CYB5R2: variants seen among roughly 807,000 people sequenced by gnomAD.
The protein encoded by CYB5R2 is cytochrome b5 reductase 2, also known as NADH-cytochrome b5 reductase 2.
A neutral mutation model predicts 29.8 loss-of-function variants in CYB5R2; 35 were observed. That is an observed-to-expected ratio of 1.17 (90% confidence interval 0.90 to 1.56). CYB5R2 has a LOEUF of 1.56. CYB5R2 is among the 40% of genes most tolerant of loss of function. The pLI, the probability that CYB5R2 is intolerant of heterozygous loss-of-function variation, is 0.00. For synonymous variants in CYB5R2, 169 were observed against 130.6 expected (o/e 1.29, Z -2.01); for missense variants, 419 against 346.7 (o/e 1.21, Z -1.66).
At chr11:7,674,046 C>T (rs1280373661), upstream of CYB5R2, 5 of 1,183,720 alleles carry the variant, frequency 4.2e-6, no homozygotes, top group East Asian at 3.0e-4. Context: ...TCCTGCGCTG[C>T]CCCTCTGCAT....
In CYB5R2 at chr11:7,665,640, G is replaced by A. The variant is rs1259611998; in HGVS notation, c.659-94C>T. 2.2e-6 allele frequency: 3 copies of A among 1,347,640 alleles called. No homozygotes were observed. The African/African-American group carries it at 4.4e-5, about 20-fold the overall frequency. The allele number at this position is 1,347,640 out of a possible 1,614,324, so 83.5% of individuals were successfully genotyped here. A position where few individuals can be genotyped will look rare whatever the true frequency, so the allele number is the denominator to read the frequency against. On this transcript the variant is annotated intron_variant, in intron 8 of 8. Coordinates refer to ENST00000299498, the MANE Select transcript of CYB5R2 (RefSeq NM_016229.5). ...CACACCCACCCTCAGCCAGGGAGGAGGTGACAAGCTGCTCTACAAAGGCTT... is the reference window on the plus strand; with the variant it reads ...CACACCCACCCTCAGCCAGGGAGGAAGTGACAAGCTGCTCTACAAAGGCTT...
chr11:7,665,914 G>GGTA, intron 8 of CYB5R2: 1 of 1,536,116 alleles, frequency 6.5e-7, no homozygotes, highest in South Asian at 1.2e-5. Context: ...TGCTCAGTAG[G>GGTA]GTAGCGCCCT....
chr11:7,667,829 C>T lies in CYB5R2; in HGVS notation c.473-16G>A, dbSNP rs114106954. ...GGTGTGATGCCTGGAACACAGTGAG[C>T]GAGCAGCCAGCTTTCTCCCTGTCTC... On this transcript the variant is annotated splice_polypyrimidine_tract_variant and intron_variant, in intron 6 of 8. Transcript: ENST00000299498. The T allele has an allele frequency of 7.3e-5, 118 of 1,609,496 alleles. No homozygotes were observed. In the Middle Eastern group the frequency reaches 1.3e-3, roughly 18 times the overall value.
chr11:7,665,307 G>C lies in CYB5R2; in HGVS notation c.*67C>G. The C allele has an allele frequency of 7.7e-7, 1 of 1,303,662 alleles. No individual in the cohort carries two copies. Among genetic ancestry groups the C allele is most frequent in the Non-Finnish European group, 1.0e-6 (1 of 961,970 alleles). The allele number at this position is 1,303,662 out of a possible 1,614,324, so 80.8% of individuals were successfully genotyped here. On this transcript the variant is annotated 3_prime_UTR_variant, in exon 9 of 9. Coordinates refer to ENST00000299498, the MANE Select transcript of CYB5R2 (RefSeq NM_016229.5). ...TTTTGAAAACATCCCAGTTTACCGT[G>C]GTGAAATTGAACTTACTCTGAAACA...
intron 8 of CYB5R2, chr11:7,665,846 C>G: frequency 1.3e-6 from 2 of 1,535,704 alleles, no homozygotes; most frequent in Non-Finnish European, 1.7e-6. Context: ...TGAATCAGTA[C>G]AGCCAGCTGG....
chr11:7,673,626 C>T (rs1855899364), upstream of CYB5R2: 2 of 985,180 alleles, frequency 2.0e-6, no homozygotes, highest in Admixed American at 6.1e-5. Context: ...CGGCTCTAGC[C>T]GGCCTCCGCG....
At position 7,668,445 on chromosome 11, in the gene CYB5R2, ACT is replaced by A. The variant is rs760298347; in HGVS notation, c.472+31_472+32del. The A allele has an allele frequency of 8.6e-6, 13 of 1,513,344 alleles. No homozygotes were observed. The South Asian group carries it at 1.5e-4, about 17-fold the overall frequency. 93.7% of individuals were successfully genotyped at this position (1,513,344 alleles called of 1,614,324 possible). A position where few individuals can be genotyped will look rare whatever the true frequency, so the allele number is the denominator to read the frequency against. On this transcript the variant is annotated intron_variant, in intron 6 of 8. Transcript: ENST00000299498. ...CAAGTCAGAATGGGTCTCGGGGCTC[ACT>A]CTCTGGATGGAGCCCCTAGAAGCCT... is the stretch of plus-strand genomic sequence containing the variant.
intron 8 of CYB5R2, 56 bp from the exon 9 acceptor site, chr11:7,665,602 C>T: frequency 2.0e-6 from 3 of 1,523,668 alleles, no homozygotes; most frequent in Admixed American, 2.0e-5. Flanking sequence ...AGTTCCTGAT[C>T]CCAGGCCGCC....
chr11:7,673,172 C>G, intron 1 of CYB5R2: 1 of 407,772 alleles, frequency 2.5e-6, no homozygotes. Flanking sequence ...CTAGGCCCCT[C>G]CTGGCTACAG....
At chr11:7,671,479 T>G (rs1288202461) in intron 3 of CYB5R2, 1 of 152,242 alleles carries the variant, frequency 6.6e-6, no homozygotes, top group Non-Finnish European at 1.5e-5. Flanking sequence ...TATCTCAAAG[T>G]TTTTCATTCT....
At position 7,672,473 on chromosome 11, in the gene CYB5R2, G is replaced by A. The variant is rs1855808794; in HGVS notation, c.129C>T (p.Asp43=). Residue 43 remains aspartate (D), a synonymous_variant, in exon 3 of 9, where the codon GAC becomes GAT. Coordinates refer to ENST00000299498, the MANE Select transcript of CYB5R2 (RefSeq NM_016229.5). ...CACCTACAGGAAGCCCTAAGACATG[G>A]TCCGGCGAAGGCAGTCCAAAGCGGA... is the stretch of plus-strand genomic sequence containing the variant. ...RRFRFGLPSP[D]HVLGLPVGNY... The A allele has an allele frequency of 6.2e-7, 1 of 1,614,178 alleles. No homozygotes were observed. The highest frequency in any genetic ancestry group is 8.5e-7 in the Non-Finnish European group (1 of 1,180,022).
At chr11:7,668,361 A>G in intron 6 of CYB5R2, 117 bp downstream of exon 6, 1 of 835,574 alleles carries the variant, frequency 1.2e-6, no homozygotes, top group Non-Finnish European at 2.1e-6. Context: ...CATCGTTCCC[A>G]CCTTCTACAG....
chr11:7,673,209 T>A, intron 1 of CYB5R2: 1 of 412,570 alleles, frequency 2.4e-6, no homozygotes, highest in Non-Finnish European at 4.0e-6. Flanking sequence ...TGGAAGTCCC[T>A]TCCTTGAGGT....
rs149917532 is a variant in CYB5R2, at chr11:7,665,401, A to G, written c.804T>C (p.Tyr268=). Residue 268 remains tyrosine, a synonymous_variant, in exon 9 of 9, where the codon TAT becomes TAC. Coordinates refer to ENST00000299498, the MANE Select transcript of CYB5R2 (RefSeq NM_016229.5). ...AAHPNLEKLG[Y]TQDMIFTY ...AGTAGGTGAAAATCATGTCCTGGGT[A>G]TAACCCAGCTTCTCCAGGTTAGGGT... 1.3e-5 allele frequency: 21 copies of G among 1,599,822 alleles called. No homozygotes were observed. Among genetic ancestry groups the G allele is most frequent in the East Asian group, 2.2e-5 (1 of 44,718 alleles).
rs1397032798 is a variant in CYB5R2, at chr11:7,673,485, G to A, written c.-133C>T. On this transcript the variant is annotated 5_prime_UTR_variant, in exon 1 of 9. Transcript: ENST00000299498. ...AGGGAAAGTTGCCTCTCCTCCCGCC[G>A]GGTCACTGGAGTCTCAGCCTTCCGG... 13 of 986,278 alleles carry A rather than the reference G, an allele frequency of 1.3e-5. No individual in the cohort carries two copies. The highest frequency in any genetic ancestry group is 1.6e-5 in the Non-Finnish European group (13 of 830,706). The allele number at this position is 986,278 out of a possible 1,614,324, so 61.1% of individuals were successfully genotyped here.
At chr11:7,667,270 A>G (rs1443632705) in intron 7 of CYB5R2, 1 of 152,126 alleles carries the variant, frequency 6.6e-6, no homozygotes, top group Non-Finnish European at 1.5e-5. Context: ...GATAAAAACT[A>G]TGATGAAAAT....
In CYB5R2 at chr11:7,672,826, G is replaced by A. The variant is rs749548535; in HGVS notation, c.-1C>T. On this transcript the variant is annotated 5_prime_UTR_variant, in exon 2 of 9. Coordinates refer to ENST00000299498, the MANE Select transcript of CYB5R2 (RefSeq NM_016229.5). Reference sequence around the variant, plus strand: ...TTGGCTCTCTCCTCCTGGAGTTCATGCTCTTCAGGACCAACACGAGCACAG... The same window carrying A: ...TTGGCTCTCTCCTCCTGGAGTTCATACTCTTCAGGACCAACACGAGCACAG... 9.9e-6 allele frequency: 16 copies of A among 1,614,146 alleles called. No homozygotes were observed. In the East Asian group the frequency reaches 1.8e-4, roughly 18 times the overall value.
intron 5 of CYB5R2, chr11:7,668,793 C>A (rs577561574): frequency 3.0e-5 from 18 of 600,094 alleles, no homozygotes; most frequent in South Asian, 3.0e-4. Context: ...GCCTTCTGTT[C>A]TGAGGAAAAA....
chr11:7,668,509 G>A lies in CYB5R2; in HGVS notation c.441C>T (p.Ala147=), dbSNP rs200002434. 29 of 1,613,928 alleles carry A rather than the reference G, an allele frequency of 1.8e-5. No individual in the cohort carries two copies. Among genetic ancestry groups the A allele is most frequent in the East Asian group, 8.9e-5 (4 of 44,874 alleles). Reference sequence around the variant, plus strand: ...CCCCAGCAATCATTCCCAGGTGATCGGCCAGTGTTTTTTTAGGCTCACTCG... The same window carrying A: ...CCCCAGCAATCATTCCCAGGTGATCAGCCAGTGTTTTTTTAGGCTCACTCG... ...DQTSEPKKTL[A]DHLGMIAGGT... The change falls in exon 6 of 9, where the codon GCC becomes GCT. Residue 147 remains alanine (A), a synonymous_variant. Coordinates refer to ENST00000299498, the MANE Select transcript of CYB5R2 (RefSeq NM_016229.5).
Sources: gnomAD v4.1 joint callset for allele counts on GRCh38, gnomAD v4.1.1 for gene constraint, MANE v1.5 for transcripts, NCBI Gene and HGNC (gene_info 2026-07-23, HGNC 2026-07-21) for gene names.